Variants in PDE4B observed in about 807,000 individuals in gnomAD.
PDE4B encodes the protein phosphodiesterase 4B.
Under a neutral mutation model 82.2 loss-of-function variants are expected in PDE4B, and 20 were observed. The ratio of observed to expected loss-of-function variants is 0.24; its 90% CI spans 0.17 to 0.35. The LOEUF is 0.35. Among genes scored for constraint, PDE4B ranks in the 10% least tolerant of loss-of-function variants. The probability of loss-of-function intolerance (pLI) is 1.00; values close to 1 mark genes in which losing one functional copy is unlikely to be tolerated. For synonymous variants in PDE4B, 320 were observed against 318.9 expected (o/e 1.00, Z -0.04); for missense variants, 655 against 907.2 (o/e 0.72, Z 3.57).
intron 7 of PDE4B, among the ~76,000 whole-genome samples, chr1:66,269,174 A>T (rs780455270): frequency 1.8e-4 from 27 of 152,244 alleles, no homozygotes; most frequent in Admixed American, 1.3e-4. Flanking sequence ...TATTGCACTG[A>T]AGTTAATAGA....
intron 8 of PDE4B, chr1:66,354,356 A>C (rs1662065035): frequency 1.0e-6 from 1 of 983,238 alleles, no homozygotes; most frequent in Non-Finnish European, 1.2e-6. Context: ...CTTCAGATTT[A>C]CTTAAATATT....
Position 65,804,793 on chromosome 1 carries a change from C to G in PDE4B, c.-71+11545C>G, listed in dbSNP as rs141415025. On this transcript the variant is annotated intron_variant, in intron 1 of 16. Transcript: ENST00000341517. ...GAGGAGGAAGTGGGAGCTCTCTGAC[C>G]TGCTGTTTCAGGTGAGTCATGTCGT... 4.9e-3 allele frequency among the ~76,000 whole-genome samples: 745 copies of G among 152,142 alleles called. 5 individuals carry two copies. The highest frequency in any genetic ancestry group is 0.017 in the African/African-American group (715 of 41,520).
intron 1 of PDE4B, among the ~76,000 whole-genome samples, chr1:65,904,229 G>A (rs1647003025): frequency 6.6e-6 from 1 of 152,102 alleles, no homozygotes; most frequent in African/African-American, 2.4e-5. Flanking sequence ...CACTGTACAG[G>A]TGGACAATTT....
At chr1:66,292,471 T>A (rs538935154) in intron 7 of PDE4B, among the ~76,000 whole-genome samples, 1 of 152,306 alleles carries the variant, frequency 6.6e-6, no homozygotes, top group East Asian at 1.9e-4. Flanking sequence ...TAACAATGGA[T>A]ATAAATCACA....
At chr1:66,249,583 G>T (rs542737358) in intron 4 of PDE4B, among the ~76,000 whole-genome samples, 9 of 152,234 alleles carry the variant, frequency 5.9e-5, no homozygotes, top group African/African-American at 2.2e-4. Flanking sequence ...AAGAGGTGTA[G>T]TTCTAAATGA....
At chr1:66,200,392 G>T (rs1285834639) in intron 3 of PDE4B, among the ~76,000 whole-genome samples, 1 of 152,152 alleles carries the variant, frequency 6.6e-6, no homozygotes, top group Non-Finnish European at 1.5e-5. Context: ...GAAAGTCATT[G>T]GTAGCTTGAT....
intron 1 of PDE4B, among the ~76,000 whole-genome samples, chr1:65,827,272 C>CA (rs35748045): frequency 0.1 from 15,458 of 150,806 alleles, 876 homozygotes; most frequent in South Asian, 0.14. Context: ...TACAAAAATG[C>CA]AAAAAAAAGT....
At chr1:66,099,834 T>C (rs1160815302) in intron 3 of PDE4B, among the ~76,000 whole-genome samples, 5 of 152,120 alleles carry the variant, frequency 3.3e-5, no homozygotes, top group Non-Finnish European at 7.4e-5. Flanking sequence ...TGATTTTGTA[T>C]TGATTCAGTC....
intron 7 of PDE4B, among the ~76,000 whole-genome samples, chr1:66,280,122 T>A (rs1403387658): frequency 6.6e-6 from 1 of 152,244 alleles, no homozygotes; most frequent in African/African-American, 2.4e-5. Flanking sequence ...ACAATAAAAA[T>A]TTTTGTATTA....
At chr1:66,363,047 A>T (rs1662927800) in intron 10 of PDE4B, 121 bp from the exon 11 acceptor site, 2 of 638,840 alleles carry the variant, frequency 3.1e-6, no homozygotes, top group South Asian at 2.1e-5. Flanking sequence ...ACACAACTAA[A>T]GCACTCTAAG....
chr1:66,149,044 A>G (rs982478709), intron 3 of PDE4B, among the ~76,000 whole-genome samples: 2 of 152,248 alleles, frequency 1.3e-5, no homozygotes, highest in East Asian at 3.8e-4. Context: ...CTTTTGAAGA[A>G]TTGCCAAATT....
At chr1:66,322,000 G>A (rs564829837) in intron 7 of PDE4B, among the ~76,000 whole-genome samples, 4 of 152,204 alleles carry the variant, frequency 2.6e-5, no homozygotes, top group African/African-American at 2.4e-5. Context: ...ACAGAACAGA[G>A]TCCTCAGAAA....
At chr1:66,206,787 G>A (rs1649593173) in intron 3 of PDE4B, among the ~76,000 whole-genome samples, 1 of 152,172 alleles carries the variant, frequency 6.6e-6, no homozygotes, top group Non-Finnish European at 1.5e-5. Context: ...ATCATTATGT[G>A]TGGAAGTTCA....
chr1:65,866,436 TA>T (rs1646511224), intron 1 of PDE4B, among the ~76,000 whole-genome samples: 1 of 152,094 alleles, frequency 6.6e-6, no homozygotes, highest in African/African-American at 2.4e-5. Context: ...CAGAAACTTT[TA>T]AAAAAATAAA....
intron 2 of PDE4B, among the ~76,000 whole-genome samples, chr1:65,918,207 C>T (rs1430277119): frequency 6.6e-6 from 1 of 152,112 alleles, no homozygotes; most frequent in African/African-American, 2.4e-5. Context: ...TTTATATTTT[C>T]TCATAGTTTG....
At chr1:66,135,615 G>T (rs1289583596) in intron 3 of PDE4B, among the ~76,000 whole-genome samples, 1 of 152,138 alleles carries the variant, frequency 6.6e-6, no homozygotes, top group African/African-American at 2.4e-5. Flanking sequence ...TTAGTTTGGG[G>T]TGCTCAATTT....
intron 1 of PDE4B, among the ~76,000 whole-genome samples, chr1:65,908,425 G>T (rs1647051080): frequency 6.6e-6 from 1 of 152,162 alleles, no homozygotes; most frequent in Admixed American, 6.6e-5. Context: ...TCTCTCCATT[G>T]ATCACTTATG....
chr1:66,210,614 A>AAG (rs1215013762), intron 3 of PDE4B, among the ~76,000 whole-genome samples: 184 of 148,982 alleles, frequency 1.2e-3, no homozygotes, highest in African/African-American at 4.1e-3. Flanking sequence ...AAAAAAAAAA[A>AAG]AAAAAGAAAA....
At chr1:66,340,221 TGTTTA>T (rs1660872109) in intron 8 of PDE4B, among the ~76,000 whole-genome samples, 1 of 152,248 alleles carries the variant, frequency 6.6e-6, no homozygotes, top group Admixed American at 6.5e-5. Flanking sequence ...GGTGCCAAAC[TGTTTA>T]GTCTCTTGTG....
Sources: allele counts gnomAD v4.1 joint callset (sites outside exome capture counted in the v4.1 genomes callset), GRCh38; gene constraint gnomAD v4.1.1; transcripts MANE v1.5; gene names NCBI Gene and HGNC (gene_info 2026-07-23, HGNC 2026-07-21).